The following PCDHGB5 variants were observed in gnomAD, a reference collection of about 807,000 sequenced individuals.
PCDHGB5 encodes the protein protocadherin gamma-B5.
A neutral mutation model predicts 62.9 loss-of-function variants in PCDHGB5; 48 were observed. That is an observed-to-expected ratio of 0.76 (90% CI 0.61 to 0.97). PCDHGB5 has a LOEUF of 0.97. Among genes scored for constraint, PCDHGB5 ranks in the 50% least tolerant of loss-of-function variants. PCDHGB5 has a pLI of 0.00. For missense variants in PCDHGB5, 1,118 were observed against 1,198.6 expected (o/e 0.93, Z 0.99); for synonymous variants, 474 against 511.2 (o/e 0.93, Z 0.98).
Position 141,487,540 on chromosome 5 carries a change from G to T in PCDHGB5, c.2398-7267G>T, listed in dbSNP as rs1319372340. The T allele has an allele frequency of 1.2e-6, 2 of 1,614,208 alleles. No homozygotes were observed. Among genetic ancestry groups the T allele is most frequent in the Admixed American group, 3.3e-5 (2 of 60,034 alleles). ...GGAGTGATAGCTTCATGATGGTGAA[G>T]TCACCCAGTGCACCTATGGCAGGGG... is the stretch of plus-strand genomic sequence containing the variant. On this transcript the variant is annotated intron_variant, in intron 1 of 3. Transcript: ENST00000617380. This position sits in a 1 kb window ranked among gnomAD's most constrained non-coding sequence, Gnocchi z 5.0.
chr5:141,459,406 A>C (rs2098967498), intron 1 of PCDHGB5, among the ~76,000 whole-genome samples: 1 of 152,218 alleles, frequency 6.6e-6, no homozygotes, highest in Admixed American at 6.5e-5. Flanking sequence ...GCAGTATTGC[A>C]TTGTGTGGAT....
intron 1 of PCDHGB5, chr5:141,407,951 A>G (rs1256400393): frequency 1.7e-6 from 1 of 578,448 alleles, no homozygotes; most frequent in Non-Finnish European, 2.8e-6. Flanking sequence ...GCTGTCGGCC[A>G]GTGCAGAGCA....
Position 141,509,375 on chromosome 5 carries a change from T to C in PCDHGB5, c.2546-1572T>C, listed in dbSNP as rs1450730489. Among the ~76,000 whole-genome samples, 6 of 152,168 alleles carry C rather than the reference T, an allele frequency of 3.9e-5. No homozygotes were observed. In the East Asian group the frequency reaches 1.2e-3, roughly 29 times the overall value. On this transcript the variant is annotated intron_variant, in intron 3 of 3. Coordinates refer to ENST00000617380, the MANE Select transcript of PCDHGB5 (RefSeq NM_018925.3). ...GGGCATCCCTGAGGTTTTAACTGTC[T>C]CCTAACCACAGAGGATCTCAGGGCC...
At chr5:141,414,748 G>A in intron 1 of PCDHGB5, 5 of 1,614,182 alleles carry the variant, frequency 3.1e-6, no homozygotes, top group Non-Finnish European at 4.2e-6. Context: ...CAGATCCTTC[G>A]ACTATGAGCA....
intron 1 of PCDHGB5, chr5:141,427,985 C>T (rs747784722): frequency 3.1e-6 from 5 of 1,597,522 alleles, no homozygotes; most frequent in African/African-American, 2.7e-5. Context: ...CGCTGGGGCC[C>T]GATGGCTCCG....
chr5:141,462,597 T>C (rs182073985), intron 1 of PCDHGB5, among the ~76,000 whole-genome samples: 1 of 152,320 alleles, frequency 6.6e-6, no homozygotes, highest in East Asian at 1.9e-4. Context: ...TTCCATTTCA[T>C]ATATTGTATT....
chr5:141,497,540 CTTT>C (rs754207034), intron 2 of PCDHGB5, among the ~76,000 whole-genome samples: 11 of 134,886 alleles, frequency 8.2e-5, no homozygotes, highest in African/African-American at 1.9e-4. Context: ...TGCAACAAAC[CTTT>C]TTTTTTTTTT....
intron 1 of PCDHGB5, among the ~76,000 whole-genome samples, chr5:141,425,919 GA>G (rs2096903434): frequency 6.6e-6 from 1 of 152,056 alleles, no homozygotes; most frequent in African/African-American, 2.4e-5. Flanking sequence ...CAGTCACTAC[GA>G]AAACTCATAA....
At chr5:141,496,310 A>G (rs1446146598) in intron 2 of PCDHGB5, among the ~76,000 whole-genome samples, 1 of 152,218 alleles carries the variant, frequency 6.6e-6, no homozygotes, top group East Asian at 1.9e-4. Context: ...GCTCTGCGCC[A>G]GGCCTCCCAG....
intron 1 of PCDHGB5, among the ~76,000 whole-genome samples, chr5:141,456,668 T>G (rs2098874996): frequency 1.3e-5 from 2 of 152,254 alleles, no homozygotes; most frequent in Admixed American, 6.5e-5. Context: ...ATGTTTCATT[T>G]AAAAATGCAT....
intron 2 of PCDHGB5, among the ~76,000 whole-genome samples, chr5:141,501,907 G>T (rs4912761): frequency 0.59 from 89,145 of 151,782 alleles, 27,774 homozygotes; most frequent in African/African-American, 0.8. Context: ...CAACCCCACT[G>T]TTCCACTCAG....
chr5:141,451,216 A>G (rs1561943760), intron 1 of PCDHGB5, among the ~76,000 whole-genome samples: 1 of 152,204 alleles, frequency 6.6e-6, no homozygotes, highest in Non-Finnish European at 1.5e-5. Context: ...TTAGTGGCTT[A>G]AAAGAAGCAT....
At chr5:141,462,071 C>T (rs1473972601) in intron 1 of PCDHGB5, among the ~76,000 whole-genome samples, 1 of 152,214 alleles carries the variant, frequency 6.6e-6, no homozygotes, top group African/African-American at 2.4e-5. Context: ...GATCTGCCCG[C>T]CTTGGCCTCC....
Position 141,432,581 on chromosome 5 carries a change from C to T in PCDHGB5, c.2397+32057C>T. 6.2e-7 allele frequency: 1 copy of T among 1,613,930 alleles called. No homozygotes were observed. The highest frequency in any genetic ancestry group is 8.5e-7 in the Non-Finnish European group (1 of 1,179,974). On this transcript the variant is annotated intron_variant, in intron 1 of 3. Coordinates refer to ENST00000617380, the MANE Select transcript of PCDHGB5 (RefSeq NM_018925.3). The surrounding 1 kb of genome is among the most constrained non-coding windows in gnomAD (Gnocchi z 6.0). ...CCAGAACGCCTGGCTGTCCTACCGT[C>T]TGCTCAAGGCCAGCGAGCCGGGACT...
chr5:141,485,511 C>G lies in PCDHGB5; in HGVS notation c.2398-9296C>G, dbSNP rs1168331122. The G allele has an allele frequency of 1.2e-6, 2 of 1,614,042 alleles. No individual in the cohort carries two copies. Among genetic ancestry groups the G allele is most frequent in the Non-Finnish European group, 1.7e-6 (2 of 1,180,038 alleles). On this transcript the variant is annotated intron_variant, in intron 1 of 3. Transcript: ENST00000617380. The surrounding 1 kb of genome is among the most constrained non-coding windows in gnomAD (Gnocchi z 5.7). Reference sequence around the variant, plus strand: ...CCCCTGGAGTTTGTCACCGAAGGTCCTTTGGAAATGTACCGAGCAGAGGTA... The same window carrying G: ...CCCCTGGAGTTTGTCACCGAAGGTCGTTTGGAAATGTACCGAGCAGAGGTA...
At chr5:141,472,109 A>G (rs1353132107) in intron 1 of PCDHGB5, among the ~76,000 whole-genome samples, 2 of 152,234 alleles carry the variant, frequency 1.3e-5, no homozygotes, top group Non-Finnish European at 2.9e-5. Flanking sequence ...TTTTATACAT[A>G]AAGAAAATAA....
intron 1 of PCDHGB5, chr5:141,430,634 C>G: frequency 1.1e-6 from 1 of 882,730 alleles, no homozygotes; most frequent in Non-Finnish European, 1.7e-6. Flanking sequence ...TGAACCATCC[C>G]TGGGAGTATG....
chr5:141,448,814 G>A (rs967588194), intron 1 of PCDHGB5, among the ~76,000 whole-genome samples: 14 of 152,122 alleles, frequency 9.2e-5, no homozygotes, highest in Non-Finnish European at 1.8e-4. Flanking sequence ...GCGTGATGGC[G>A]GGCGCCTGTA....
In PCDHGB5 at chr5:141,486,487, C is replaced by T; in HGVS notation, c.2398-8320C>T. ...CTGGGAACCCTCCTCTCAGTACCCA[C>T]AGAACTATTTTCCTCAATATTTCAG... On this transcript the variant is annotated intron_variant, in intron 1 of 3. Coordinates refer to ENST00000617380, the MANE Select transcript of PCDHGB5 (RefSeq NM_018925.3). This position sits in a 1 kb window ranked among gnomAD's most constrained non-coding sequence, Gnocchi z 5.0. 1 of 1,614,086 alleles carries T rather than the reference C, an allele frequency of 6.2e-7. No individual in the cohort carries two copies. Among genetic ancestry groups the T allele is most frequent in the Non-Finnish European group, 8.5e-7 (1 of 1,179,918 alleles).
Sources: gnomAD v4.1 joint callset for allele counts (sites outside exome capture counted in the v4.1 genomes callset) on GRCh38, gnomAD v4.1.1 for gene constraint, Gnocchi (gnomAD v3.1) non-coding constraint, MANE v1.5 for transcripts, NCBI Gene and HGNC (gene_info 2026-07-23, HGNC 2026-07-21) for gene names.